ABCA2: variants seen among roughly 807,000 people sequenced by gnomAD.
ABCA2 encodes the protein ATP binding cassette subfamily A member 2.
A neutral mutation model predicts 262.8 loss-of-function variants in ABCA2; 84 were observed. The ratio of observed to expected loss-of-function variants is 0.32; its 90% CI spans 0.27 to 0.38. The LOEUF (loss-of-function observed/expected upper bound fraction) is 0.38, where lower values mean the gene tolerates loss of function less well. Ranked by LOEUF, ABCA2 falls within the 10% of genes least tolerant of loss-of-function variation. The probability of loss-of-function intolerance (pLI) is 1.00; values close to 1 mark genes in which losing one functional copy is unlikely to be tolerated. For missense variants in ABCA2, 2,662 were observed against 3,405.9 expected, an observed-to-expected ratio of 0.78 and a Z score of 5.44; for synonymous variants, 1,696 against 1,502.9, an observed-to-expected ratio of 1.13 and a Z score of -2.97.
In ABCA2 at chr9:137,013,570, G is replaced by C; in HGVS notation, c.4448-7C>G. The C allele has an allele frequency of 6.2e-7, 1 of 1,603,302 alleles. No homozygotes were observed. Among genetic ancestry groups the C allele is most frequent in the Non-Finnish European group, 8.5e-7 (1 of 1,176,638 alleles). ...ACCAGCGGGGGCAGATCACCTGGCA[G>C]GGCGAGCAGGGAGGCCTGAGCAGGT... On this transcript the variant is annotated splice_polypyrimidine_tract_variant and splice_region_variant and intron_variant, in intron 28 of 48. Transcript: ENST00000341511.
chr9:137,023,121 G>A (rs1484597532), intron 3 of ABCA2, 69 bp from the exon 4 acceptor site: 1 of 1,252,156 alleles, frequency 8.0e-7, no homozygotes, highest in Middle Eastern at 2.1e-4. Context: ...AATCCAGAAG[G>A]GGAGGGAGAC....
chr9:137,011,559 G>A lies in ABCA2; in HGVS notation c.5652-5C>T, dbSNP rs574280701. 1.1e-5 allele frequency: 18 copies of A among 1,574,620 alleles called. No homozygotes were observed. The highest frequency in any genetic ancestry group is 2.7e-5 in the African/African-American group (2 of 74,172). ...ATGATGGGCGTGATGGACCACCTGC[G>A]GGCAGGTGGCGGGCAGTGGTCACCA... On this transcript the variant is annotated splice_region_variant and splice_polypyrimidine_tract_variant and intron_variant, in intron 36 of 48. Transcript: ENST00000341511. The surrounding 1 kb of genome is among the most constrained non-coding windows in gnomAD (Gnocchi z 8.8).
At chr9:137,012,683 C>G (rs1488596005) in intron 31 of ABCA2, 29 bp downstream of exon 31, 1 of 1,611,434 alleles carries the variant, frequency 6.2e-7, no homozygotes, top group Admixed American at 1.7e-5. Context: ...GCCGGCCACC[C>G]TCACCCACAG....
Position 137,017,078 on chromosome 9 carries a change from G to A in ABCA2, c.2600C>T (p.Ala867Val), listed in dbSNP as rs867972406. The A allele has an allele frequency of 1.2e-6, 2 of 1,612,750 alleles. No individual in the cohort carries two copies. The highest frequency in any genetic ancestry group is 8.5e-7 in the Non-Finnish European group (1 of 1,179,974). ...GCCCACGCCGGCCACCTCATACAGC[G>A]CGAAGTACTTAGAGCCCAGACCAAA... is the stretch of plus-strand genomic sequence containing the variant. ...TAFGLGSKYFALYEVAGVGIQ... is the reference protein window; with the variant it reads ...TAFGLGSKYFVLYEVAGVGIQ... The change falls in exon 19 of 49, where the codon GCG becomes GTG. Residue 867 changes from alanine (A) to valine (V), a missense_variant. Ala to Val is a moderately conservative substitution (Grantham distance 64, BLOSUM62 0). Coordinates refer to ENST00000341511, the MANE Select transcript of ABCA2 (RefSeq NM_001606.5).
At chr9:137,024,367 C>T (rs1831580856) in intron 1 of ABCA2, 131 bp from the exon 2 acceptor site, 1 of 686,028 alleles carries the variant, frequency 1.5e-6, no homozygotes, top group Non-Finnish European at 2.4e-6. Context: ...TGGGCACAGG[C>T]CCTTCGGAAC....
chr9:137,027,079 G>A (rs538317415), intron 1 of ABCA2, among the ~76,000 whole-genome samples: 4 of 152,346 alleles, frequency 2.6e-5, no homozygotes, highest in East Asian at 3.9e-4. Flanking sequence ...AAGGGGTCCC[G>A]CCCGGGCCCT....
Position 137,007,532 on chromosome 9 carries a change from G to A in ABCA2, c.*397C>T, listed in dbSNP as rs1162462252. 4 of 270,938 alleles carry A rather than the reference G, an allele frequency of 1.5e-5. No homozygotes were observed. The highest frequency in any genetic ancestry group is 4.0e-5 in the South Asian group (1 of 24,768). 16.8% of individuals were successfully genotyped at this position (270,938 alleles called of 1,614,324 possible). A position where few individuals can be genotyped will look rare whatever the true frequency, so the allele number is the denominator to read the frequency against. ...ACTGACCCAGCTCCGCCCACAGCCCGCTCTCGGCATCAGCCTTCATCGTAA... is the reference window on the plus strand; with the variant it reads ...ACTGACCCAGCTCCGCCCACAGCCCACTCTCGGCATCAGCCTTCATCGTAA... On this transcript the variant is annotated 3_prime_UTR_variant, in exon 49 of 49. Transcript: ENST00000341511.
At chr9:137,012,231 C>T (rs1425431158) in intron 33 of ABCA2, 34 bp downstream of exon 33, 2 of 1,480,674 alleles carry the variant, frequency 1.4e-6, no homozygotes, top group African/African-American at 2.8e-5. Context: ...CCAGCTCCTC[C>T]CCGCCCCGCC....
rs765128798 is a variant in ABCA2 at position 137,008,452 on chromosome 9, C to G, written c.7239G>C (p.Thr2413=). 1.9e-6 allele frequency: 3 copies of G among 1,557,506 alleles called. No individual in the cohort carries two copies. Among genetic ancestry groups the G allele is most frequent in the Admixed American group, 3.9e-5 (2 of 51,742 alleles). The stretch of plus-strand genomic sequence containing the variant: ...CGAAGCTGATGAGGCCCTCGTCCTC[C>G]GTGTCCAGGTCCTCGGGCTCGTCTG... ...LVADEPEDLD[T]EDEGLISFEE... Residue 2413 remains threonine, a synonymous_variant, in exon 48 of 49, where the codon ACG becomes ACC. Transcript: ENST00000341511.
At chr9:137,027,947 C>T (rs1739774063) in intron 1 of ABCA2, 128 bp downstream of exon 1, 1 of 326,430 alleles carries the variant, frequency 3.1e-6, no homozygotes, top group Admixed American at 6.6e-5. Context: ...GGGCTCGGGC[C>T]CGCGCCGCCC....
chr9:137,023,955 C>A, intron 2 of ABCA2, 115 bp from the exon 3 acceptor site: 5 of 1,481,266 alleles, frequency 3.4e-6, no homozygotes, highest in Non-Finnish European at 4.6e-6. Context: ...TCATCATTCG[C>A]GGCCACAGGC....
chr9:137,016,082 T>G lies in ABCA2; in HGVS notation c.3197A>C (p.Asn1066Thr). 2 of 1,612,810 alleles carry G rather than the reference T, an allele frequency of 1.2e-6. No individual in the cohort carries two copies. The highest frequency in any genetic ancestry group is 2.2e-5 in the South Asian group (2 of 91,082). ...ATTGTGCTGCGGGCACATGCCCAGG[T>G]TCTTGCGGATCTCATCCATCTCCGT... ...IRTEMDEIRK[N>T]LGMCPQHNVL... The change falls in exon 22 of 49, where the codon AAC (asparagine) becomes ACC (threonine). Residue 1066 changes from asparagine to threonine, a missense_variant. Asn to Thr is a moderately conservative substitution (Grantham distance 65). This residue lies in a region of ABCA2 where 180 missense variants were observed against 307.3 expected (regional missense o/e 0.59). Transcript: ENST00000341511.
intron 24 of ABCA2, 124 bp from the exon 25 acceptor site, chr9:137,015,221 C>T: frequency 7.9e-7 from 1 of 1,272,662 alleles, no homozygotes; most frequent in Non-Finnish European, 1.1e-6. Context: ...AGCAGGTATC[C>T]TGGGCCCAGG....
Position 137,010,102 on chromosome 9 carries a change from C to T in ABCA2, c.6376G>A (p.Val2126Met). 6.3e-7 allele frequency: 1 copy of T among 1,596,638 alleles called. No homozygotes were observed. Among genetic ancestry groups the T allele is most frequent in the African/African-American group, 1.3e-5 (1 of 74,914 alleles). Residue 2126 changes from valine to methionine, a missense_variant, in exon 42 of 49, where the codon GTG becomes ATG. Physicochemically the swap from Val to Met is conservative, Grantham distance 21 (BLOSUM62 1). Coordinates refer to ENST00000341511, the MANE Select transcript of ABCA2 (RefSeq NM_001606.5). ...GHSVLKELLQVQQSLGYCPQC... is the reference protein window; with the variant it reads ...GHSVLKELLQMQQSLGYCPQC... ...GGGCAGTAGCCGAGGCTCTGCTGCACCTGGAGCAGCTCCTTCAGCACGCTG... is the reference window on the plus strand; with the variant it reads ...GGGCAGTAGCCGAGGCTCTGCTGCATCTGGAGCAGCTCCTTCAGCACGCTG...
Position 137,011,039 on chromosome 9 carries a change from G to T in ABCA2, c.5990C>A (p.Ala1997Glu), listed in dbSNP as rs573640596. 6.3e-7 allele frequency: 1 copy of T among 1,588,480 alleles called. No individual in the cohort carries two copies. Among genetic ancestry groups the T allele is most frequent in the South Asian group, 1.1e-5 (1 of 90,424 alleles). ...DIVTRGLVAM[A>E]VEGVVGFLLT... ...GAGGAAGCCCACGACGCCCTCAACC[G>T]CCATGGCCACCAGTCCGCGGGTGAC... The change falls in exon 39 of 49, where the codon GCG (alanine) becomes GAG (glutamate). Residue 1997 changes from alanine (A) to glutamate (E), a missense_variant. By Grantham distance (107) the Ala-to-Glu change is moderately radical. Around this residue, in one of 12 missense-constraint regions of ABCA2, gnomAD observed 602 missense variants for 897.4 expected, o/e 0.67. Coordinates refer to ENST00000341511, the MANE Select transcript of ABCA2 (RefSeq NM_001606.5). The surrounding 1 kb of genome is among the most constrained non-coding windows in gnomAD (Gnocchi z 8.8).
At chr9:137,012,951 G>A (rs766961625) in intron 30 of ABCA2, 26 bp from the exon 31 acceptor site, 2 of 1,486,406 alleles carry the variant, frequency 1.3e-6, no homozygotes, top group Admixed American at 2.2e-5. Flanking sequence ...GGTGCGGTGA[G>A]AAGGACCCCT....
chr9:137,017,964 A>G lies in ABCA2; in HGVS notation c.2096+9T>C. 1 of 1,612,550 alleles carries G rather than the reference A, an allele frequency of 6.2e-7. No individual in the cohort carries two copies. Among genetic ancestry groups the G allele is most frequent in the Non-Finnish European group, 8.5e-7 (1 of 1,179,858 alleles). ...GCCCCAGCCCCAGCCCCGGGCGCCC[A>G]GCACTCACTCATCGCGTGTGTAGCA... is the stretch of plus-strand genomic sequence containing the variant. On this transcript the variant is annotated intron_variant, in intron 15 of 48. Transcript: ENST00000341511.
rs1162793394 is a variant in ABCA2, at chr9:137,023,033, G to A, written c.183C>T (p.Pro61=). The change falls in exon 4 of 49, where the codon CCC becomes CCT. Residue 61 remains proline, a synonymous_variant. Transcript: ENST00000341511. ...VKEVSFYTAA[P]LTSAGILPVM... ...CAGGCAGGATGCCGGCAGACGTCAGGGGCGCCGCTGTGTAGAAGGCTGGCA... is the reference window on the plus strand; with the variant it reads ...CAGGCAGGATGCCGGCAGACGTCAGAGGCGCCGCTGTGTAGAAGGCTGGCA... The A allele has an allele frequency of 6.3e-7, 1 of 1,588,810 alleles. No individual in the cohort carries two copies. Among genetic ancestry groups the A allele is most frequent in the African/African-American group, 1.3e-5 (1 of 74,592 alleles).
At position 137,013,991 on chromosome 9, in the gene ABCA2, G is replaced by C; in HGVS notation, c.4288C>G (p.Leu1430Val). 6.2e-7 allele frequency: 1 copy of C among 1,612,098 alleles called. No individual in the cohort carries two copies. Among genetic ancestry groups the C allele is most frequent in the Non-Finnish European group, 8.5e-7 (1 of 1,179,888 alleles). ...CGCACCTTCAGCCACCCGCCGTCCA[G>C]CTTGCGGCTGCCCTGGCCGACCCTC... ...LSRVGQGSRK[L>V]DGGWLKVRQF... The change falls in exon 28 of 49, where the codon CTG becomes GTG. Residue 1430 changes from leucine (L) to valine (V), a missense_variant. Leu to Val is a conservative substitution (Grantham distance 32). Coordinates refer to ENST00000341511, the MANE Select transcript of ABCA2 (RefSeq NM_001606.5).
Sources: gnomAD v4.1 joint callset for allele counts (sites outside exome capture counted in the v4.1 genomes callset) on GRCh38, gnomAD v4.1.1 for gene constraint, gnomAD v4.1.1 regional missense constraint, Gnocchi (gnomAD v3.1) non-coding constraint, MANE v1.5 for transcripts, NCBI Gene and HGNC (gene_info 2026-07-23, HGNC 2026-07-21) for gene names.